Variants in NRG3 observed in about 807,000 individuals in gnomAD.
NRG3 encodes neuregulin 3.
Under a neutral mutation model 66.9 loss-of-function variants are expected in NRG3, and 31 were observed. The observed-to-expected ratio is 0.46, with a 90% CI of 0.35 to 0.63. The LOEUF (loss-of-function observed/expected upper bound fraction) is 0.63. NRG3 is among the 20% of genes least tolerant of loss of function. The pLI, the probability that NRG3 is intolerant of heterozygous loss-of-function variation, is 0.00. For synonymous variants in NRG3, 393 were observed against 359.4 expected (o/e 1.09, Z -1.06); for missense variants, 910 against 878.9 (o/e 1.04, Z -0.45).
intron 2 of NRG3, among the ~76,000 whole-genome samples, chr10:82,442,646 C>T (rs2090490278): frequency 6.6e-6 from 1 of 152,060 alleles, no homozygotes; most frequent in Admixed American, 6.6e-5. Flanking sequence ...ACTTTTAAGG[C>T]TCAGTGTTAC....
At chr10:82,653,650 T>A (rs7078231) in intron 2 of NRG3, among the ~76,000 whole-genome samples, 77,779 of 148,728 alleles carry the variant, frequency 0.52, 21,339 homozygotes, top group East Asian at 0.68. Context: ...GGTTTTTTTT[T>A]AAAAAAAAAA....
chr10:82,047,701 A>G (rs557883534), intron 1 of NRG3, among the ~76,000 whole-genome samples: 15 of 151,856 alleles, frequency 9.9e-5, no homozygotes, highest in African/African-American at 3.1e-4. Flanking sequence ...ACTAATGAGC[A>G]AAACAACCAG....
intron 2 of NRG3, among the ~76,000 whole-genome samples, chr10:82,662,360 TA>T (rs111614091): frequency 0.038 from 5,317 of 141,286 alleles, 247 homozygotes; most frequent in African/African-American, 0.12. Flanking sequence ...CAGACTCTTT[TA>T]AAAAAAAAAA....
intron 1 of NRG3, among the ~76,000 whole-genome samples, chr10:81,933,119 A>G (rs1339480479): frequency 1.3e-5 from 2 of 150,932 alleles, no homozygotes; most frequent in Non-Finnish European, 2.9e-5. Flanking sequence ...AAAAAAAAAA[A>G]AAAAAAGAAA....
At chr10:82,717,682 C>T (rs374923212) in intron 2 of NRG3, among the ~76,000 whole-genome samples, 8 of 152,030 alleles carry the variant, frequency 5.3e-5, no homozygotes, top group African/African-American at 9.7e-5. Context: ...GGATTACAGG[C>T]GTGAGCCACC....
At chr10:82,549,967 A>G (rs1441127691) in intron 2 of NRG3, among the ~76,000 whole-genome samples, 4 of 152,106 alleles carry the variant, frequency 2.6e-5, no homozygotes, top group Non-Finnish European at 5.9e-5. Context: ...CAGGGGCCAG[A>G]GAAGGGGGTT....
At chr10:82,752,854 A>T (rs1166928658) in intron 3 of NRG3, among the ~76,000 whole-genome samples, 2 of 152,146 alleles carry the variant, frequency 1.3e-5, no homozygotes, top group African/African-American at 4.8e-5. Context: ...AGCCTTTAGG[A>T]TCATAATAAA....
At position 82,124,936 on chromosome 10, in the gene NRG3, C is replaced by T. The variant is rs546915200; in HGVS notation, c.824-233803C>T. ...AATCATCATCCCCATTTGACAAGCA[C>T]ATTTTACTCAGAAATGACATCAAAA... On this transcript the variant is annotated intron_variant, in intron 1 of 8. Coordinates refer to ENST00000372141, the MANE Select transcript of NRG3 (RefSeq NM_001010848.4). Among the ~76,000 whole-genome samples, 4 of 151,988 alleles carry T rather than the reference C, an allele frequency of 2.6e-5. No individual in the cohort carries two copies. The South Asian group carries it at 6.2e-4, about 24-fold the overall frequency.
chr10:82,327,634 G>A (rs1037587558), intron 1 of NRG3, among the ~76,000 whole-genome samples: 3 of 152,180 alleles, frequency 2.0e-5, no homozygotes, highest in African/African-American at 4.8e-5. Flanking sequence ...AACCAAATGC[G>A]ATTGCCTTTC....
intron 4 of NRG3, among the ~76,000 whole-genome samples, chr10:82,877,024 GAAAA>G (rs763600557): frequency 2.1e-5 from 2 of 94,528 alleles, no homozygotes; most frequent in East Asian, 3.1e-4. Flanking sequence ...ACTCTGCCAA[GAAAA>G]AAAAAAAAAA....
chr10:82,949,801 G>A (rs770070720), intron 4 of NRG3, among the ~76,000 whole-genome samples: 1 of 151,998 alleles, frequency 6.6e-6, no homozygotes, highest in East Asian at 1.9e-4. Context: ...GTTGCAGTAA[G>A]CTGGGATCAC....
chr10:82,567,491 C>G (rs2045482048), intron 2 of NRG3, among the ~76,000 whole-genome samples: 2 of 151,954 alleles, frequency 1.3e-5, no homozygotes, highest in African/African-American at 4.8e-5. Context: ...ACATCCATCC[C>G]TAGATACATA....
chr10:82,746,880 A>G (rs1405708946), intron 3 of NRG3, among the ~76,000 whole-genome samples: 1 of 152,120 alleles, frequency 6.6e-6, no homozygotes, highest in Non-Finnish European at 1.5e-5. Context: ...GGAGTTGAAT[A>G]TCAGCCTGGG....
At chr10:82,447,441 A>G (rs2090790201) in intron 2 of NRG3, among the ~76,000 whole-genome samples, 1 of 152,156 alleles carries the variant, frequency 6.6e-6, no homozygotes, top group Non-Finnish European at 1.5e-5. Flanking sequence ...AAATAAGAAA[A>G]AAAATTATCA....
At chr10:82,570,488 G>A (rs944700841) in intron 2 of NRG3, among the ~76,000 whole-genome samples, 2 of 151,556 alleles carry the variant, frequency 1.3e-5, no homozygotes, top group Non-Finnish European at 3.0e-5. Flanking sequence ...ACTGTGCTTT[G>A]CAGACCTCAA....
chr10:82,222,329 A>G (rs1406180232), intron 1 of NRG3, among the ~76,000 whole-genome samples: 1 of 151,148 alleles, frequency 6.6e-6, no homozygotes, highest in Non-Finnish European at 1.5e-5. Context: ...ATCAGGAGTT[A>G]ACGCCGATTG....
intron 3 of NRG3, among the ~76,000 whole-genome samples, chr10:82,771,882 T>C (rs1246610578): frequency 1.3e-5 from 2 of 152,172 alleles, no homozygotes; most frequent in Non-Finnish European, 2.9e-5. Context: ...AAATCAATTT[T>C]GGATTTACCT....
At chr10:82,743,086 A>T (rs573695) in intron 3 of NRG3, among the ~76,000 whole-genome samples, 117,909 of 151,722 alleles carry the variant, frequency 0.78, 45,964 homozygotes, top group Non-Finnish European at 0.79. Flanking sequence ...ACAGCTGGAG[A>T]CAGCCGTTTC....
At chr10:82,422,647 T>C (rs199601048) in intron 2 of NRG3, among the ~76,000 whole-genome samples, 1 of 151,436 alleles carries the variant, frequency 6.6e-6, no homozygotes, top group Admixed American at 6.6e-5. Flanking sequence ...TGTTTTGTTT[T>C]GTTTTGAATT....
Sources: gnomAD v4.1 joint callset for allele counts (sites outside exome capture counted in the v4.1 genomes callset) on GRCh38, gnomAD v4.1.1 for gene constraint, MANE v1.5 for transcripts, NCBI Gene and HGNC (gene_info 2026-07-23, HGNC 2026-07-21) for gene names.